Variants in WIPF1 observed in about 807,000 individuals in gnomAD.
WIPF1 encodes the protein WAS/WASL-interacting protein family member 1.
WIPF1 carries 13 observed loss-of-function variants against 35.4 expected under a neutral mutation model. The observed-to-expected ratio is 0.37, with a 90% CI of 0.24 to 0.58. The LOEUF (loss-of-function observed/expected upper bound fraction) is 0.58, where lower values mean the gene tolerates loss of function less well. Among genes scored for constraint, WIPF1 ranks in the 20% least tolerant of loss-of-function variants. The pLI is 0.74. For missense variants in WIPF1, 591 were observed against 667.0 expected, an observed-to-expected ratio of 0.89 and a Z score of 1.25; for synonymous variants, 267 against 266.3, an observed-to-expected ratio of 1.00 and a Z score of -0.02.
intron 1 of WIPF1, among the ~76,000 whole-genome samples, chr2:174,646,840 C>A (rs371213318): frequency 6.6e-6 from 1 of 152,158 alleles, no homozygotes; most frequent in African/African-American, 2.4e-5. Flanking sequence ...GTCTCGAACT[C>A]CTGGGCTCAA....
At chr2:174,647,658 A>T (rs1205383543) in intron 1 of WIPF1, among the ~76,000 whole-genome samples, 1 of 152,034 alleles carries the variant, frequency 6.6e-6, no homozygotes, top group East Asian at 1.9e-4. Flanking sequence ...TTAAAAAAAA[A>T]AAAAAGGCAG....
At chr2:174,621,910 T>C (rs1273467464) in intron 1 of WIPF1, among the ~76,000 whole-genome samples, 1 of 152,148 alleles carries the variant, frequency 6.6e-6, no homozygotes, top group African/African-American at 2.4e-5. Flanking sequence ...TTTTTAACCC[T>C]TGAAATTTGT....
rs1488730347 is a variant in WIPF1 at position 174,562,095 on chromosome 2, G to A, written c.*452C>T. ...CATCCTGTGACTGCAAGTTTCCAGTGAGCCCTTACTCAGCAGCTTGCTTAG... is the reference window on the plus strand; with the variant it reads ...CATCCTGTGACTGCAAGTTTCCAGTAAGCCCTTACTCAGCAGCTTGCTTAG... On this transcript the variant is annotated 3_prime_UTR_variant, in exon 8 of 8. Coordinates refer to ENST00000679041, the MANE Select transcript of WIPF1 (RefSeq NM_001375834.1). 1.3e-6 allele frequency: 2 copies of A among 1,550,614 alleles called. No homozygotes were observed. The highest frequency in any genetic ancestry group is 1.7e-4 in the Middle Eastern group (1 of 5,992).
At chr2:174,605,942 T>C (rs897831487) in intron 1 of WIPF1, among the ~76,000 whole-genome samples, 7 of 152,182 alleles carry the variant, frequency 4.6e-5, no homozygotes, top group African/African-American at 1.7e-4. Context: ...CTCAGACTTG[T>C]AGAGGTAACT....
rs536834119 is a variant in WIPF1 at position 174,676,237 on chromosome 2, T to A, written c.-39+6537A>T. 7.9e-5 allele frequency: 12 copies of A among 151,186 alleles called. No homozygotes were observed. The East Asian group carries it at 2.3e-3, about 29-fold the overall frequency. The allele number at this position is 151,186 out of a possible 1,614,324, so 9.4% of individuals were successfully genotyped here. ...GCTTTTATTATTTTTAAGAAACATA[T>A]AATAATTGTACATATTTATAGGATA... On this transcript the variant is annotated intron_variant, in intron 1 of 8. Coordinates refer to the WIPF1 transcript ENST00000272746.
intron 1 of WIPF1, among the ~76,000 whole-genome samples, chr2:174,639,402 C>T (rs1375631868): frequency 6.6e-6 from 1 of 152,114 alleles, no homozygotes; most frequent in African/African-American, 2.4e-5. Flanking sequence ...TAGAGGCATG[C>T]ATCATCACGC....
intron 7 of WIPF1, among the ~76,000 whole-genome samples, chr2:174,565,925 C>A (rs1274042427): frequency 6.6e-6 from 1 of 151,982 alleles, no homozygotes; most frequent in Non-Finnish European, 1.5e-5. Flanking sequence ...GCTCTGTCGC[C>A]CAGGCTGGAG....
Position 174,580,242 on chromosome 2 carries a change from C to G in WIPF1, c.181+1068G>C, listed in dbSNP as rs950467238. Among the ~76,000 whole-genome samples the G allele has an allele frequency of 2.6e-5, 4 of 152,182 alleles. No homozygotes were observed. The East Asian group carries it at 7.7e-4, about 29-fold the overall frequency. The stretch of plus-strand genomic sequence containing the variant: ...CTGGAATTACAGGTGCGAGCCACTG[C>G]GCCCGGCCATAGTTCCTTTTTGAAA... On this transcript the variant is annotated intron_variant, in intron 3 of 7. Coordinates refer to ENST00000679041, the MANE Select transcript of WIPF1 (RefSeq NM_001375834.1).
chr2:174,616,634 G>A (rs1010248711), intron 1 of WIPF1, among the ~76,000 whole-genome samples: 14 of 152,108 alleles, frequency 9.2e-5, no homozygotes, highest in African/African-American at 2.2e-4. Flanking sequence ...ATTTTTGAGC[G>A]TTTAAAAATA....
rs1174703674 is a variant in WIPF1, at chr2:174,628,444, A to G, written c.-38-42833T>C. On this transcript the variant is annotated intron_variant, in intron 1 of 8. Coordinates refer to the WIPF1 transcript ENST00000272746. ...GGCCAATACTGGGCAACCATTGGAA[A>G]TTTTTCCTCTCTGCTCCATGAGGAC... Among the ~76,000 whole-genome samples the G allele has an allele frequency of 2.0e-5, 3 of 152,142 alleles. No individual in the cohort carries two copies. In the East Asian group the frequency reaches 5.8e-4, roughly 29 times the overall value.
chr2:174,599,792 A>ACACTCTCT (rs1553530477), upstream of WIPF1, among the ~76,000 whole-genome samples: 1 of 148,564 alleles, frequency 6.7e-6, no homozygotes, highest in Non-Finnish European at 1.5e-5. Context: ...ACACACACAC[A>ACACTCTCT]CTCTCTCTCT....
At chr2:174,630,103 A>C (rs1482360916) in intron 1 of WIPF1, among the ~76,000 whole-genome samples, 3 of 152,194 alleles carry the variant, frequency 2.0e-5, no homozygotes, top group Non-Finnish European at 2.9e-5. Flanking sequence ...ATACACACAC[A>C]CATACACACA....
rs563928593 is a variant in WIPF1, at chr2:174,562,052, G to A, written c.*495C>T. 27 of 1,550,220 alleles carry A rather than the reference G, an allele frequency of 1.7e-5. No homozygotes were observed. The highest frequency in any genetic ancestry group is 4.9e-5 in the East Asian group (2 of 40,910). The stretch of plus-strand genomic sequence containing the variant: ...ACAGCTCTGTCCTAGAGCCAAGCTC[G>A]GACTGCCAAAGATTGGACATCCTGT... On this transcript the variant is annotated 3_prime_UTR_variant, in exon 8 of 8. Coordinates refer to ENST00000679041, the MANE Select transcript of WIPF1 (RefSeq NM_001375834.1).
intron 1 of WIPF1, among the ~76,000 whole-genome samples, chr2:174,638,001 A>G (rs1233272959): frequency 3.3e-5 from 5 of 152,214 alleles, no homozygotes; most frequent in African/African-American, 1.2e-4. Flanking sequence ...TAGTTTTCTG[A>G]GAATGGAGGA....
At chr2:174,566,805 A>C (rs1684675205) in intron 7 of WIPF1, 1 of 356,660 alleles carries the variant, frequency 2.8e-6, no homozygotes, top group African/African-American at 2.1e-5. Flanking sequence ...GAAGACGTCC[A>C]AAGAAGTAAA....
chr2:174,591,896 G>A (rs576684014), intron 1 of WIPF1, among the ~76,000 whole-genome samples: 8 of 152,264 alleles, frequency 5.3e-5, no homozygotes, highest in East Asian at 1.9e-4. Flanking sequence ...TGCAATGTTC[G>A]CTACAACGAG....
chr2:174,617,573 T>A (rs1224611529), intron 1 of WIPF1, among the ~76,000 whole-genome samples: 1 of 152,224 alleles, frequency 6.6e-6, no homozygotes, highest in Non-Finnish European at 1.5e-5. Flanking sequence ...TAGCAATGGA[T>A]TGACTTCCAG....
intron 1 of WIPF1, among the ~76,000 whole-genome samples, chr2:174,675,710 T>C (rs181660004): frequency 1.1e-3 from 168 of 152,224 alleles, no homozygotes; most frequent in African/African-American, 3.3e-3. Context: ...AGCAAAAACA[T>C]AGAAGCAAAG....
chr2:174,596,007 G>A (rs1685810738), intron 1 of WIPF1, among the ~76,000 whole-genome samples: 1 of 152,186 alleles, frequency 6.6e-6, no homozygotes. Flanking sequence ...AAGGGTCCAG[G>A]AATTCAGTAT....
Sources: allele counts gnomAD v4.1 joint callset (sites outside exome capture counted in the v4.1 genomes callset), GRCh38; gene constraint gnomAD v4.1.1; transcripts MANE v1.5; gene names NCBI Gene and HGNC (gene_info 2026-07-23, HGNC 2026-07-21).